Variants in ADAM33 observed in about 807,000 individuals in gnomAD.
ADAM33 encodes ADAM metallopeptidase domain 33.
ADAM33 carries 103 observed loss-of-function variants against 106.2 expected under a neutral mutation model. That is an observed-to-expected ratio of 0.97 (90% CI 0.83 to 1.14). The LOEUF is 1.14. Ranked by LOEUF, ADAM33 falls within the 50% of genes most tolerant of loss-of-function variation. The probability of loss-of-function intolerance (pLI) is 0.00; values close to 1 mark genes in which losing one functional copy is unlikely to be tolerated. For synonymous variants in ADAM33, 483 were observed against 453.0 expected (o/e 1.07, Z -0.84); for missense variants, 1,120 against 1,096.6 (o/e 1.02, Z -0.30).
rs750721229 is a variant in ADAM33 at position 3,674,487 on chromosome 20, C to A, written c.600+17G>T. On this transcript the variant is annotated intron_variant, in intron 6 of 21. Transcript: ENST00000356518. ...TAGATACAGCATTCCCACTCCCATC[C>A]GATCGATGCCCCTGACCCTGCTCTG... The A allele has an allele frequency of 3.1e-6, 5 of 1,611,252 alleles. No individual in the cohort carries two copies. Among genetic ancestry groups the A allele is most frequent in the East Asian group, 4.5e-5 (2 of 44,884 alleles).
intron 2 of ADAM33, among the ~76,000 whole-genome samples, chr20:3,678,926 G>C (rs41521148): frequency 0.055 from 8,411 of 152,224 alleles, 317 homozygotes; most frequent in South Asian, 0.13. Context: ...GGCTGGGGCA[G>C]AGCGTCCTGC....
chr20:3,676,359 TCAGA>T (rs932117192), intron 3 of ADAM33, among the ~76,000 whole-genome samples: 3 of 152,054 alleles, frequency 2.0e-5, no homozygotes, highest in African/African-American at 4.8e-5. Flanking sequence ...TCCAGGCAGG[TCAGA>T]CAAACTGCTG....
intron 6 of ADAM33, 78 bp from the exon 7 acceptor site, chr20:3,674,362 G>T: frequency 6.2e-7 from 1 of 1,607,886 alleles, no homozygotes; most frequent in Non-Finnish European, 8.5e-7. Flanking sequence ...CTCCCAGAAG[G>T]AAGTTTAACA....
intron 16 of ADAM33, 38 bp from the exon 17 acceptor site, chr20:3,671,534 C>A (rs2087533771): frequency 1.9e-6 from 3 of 1,610,784 alleles, no homozygotes; most frequent in Non-Finnish European, 1.7e-6. Context: ...GGGACACTGG[C>A]CTGCGGGATT....
intron 1 of ADAM33, among the ~76,000 whole-genome samples, chr20:3,681,022 C>T (rs551765956): frequency 2.0e-5 from 3 of 152,260 alleles, no homozygotes; most frequent in Admixed American, 6.5e-5. Flanking sequence ...AGCAGTGGAC[C>T]GCCTGGGGCC....
chr20:3,679,136 C>CTTTTTTTTT (rs778392877), intron 2 of ADAM33, among the ~76,000 whole-genome samples: 1 of 78,254 alleles, frequency 1.3e-5, no homozygotes, highest in Non-Finnish European at 2.4e-5. Context: ...CTTTTTGGTG[C>CTTTTTTTTT]TTTTTTTTTT....
intron 2 of ADAM33, among the ~76,000 whole-genome samples, chr20:3,678,491 C>T (rs983327113): frequency 6.6e-6 from 1 of 152,220 alleles, no homozygotes; most frequent in African/African-American, 2.4e-5. Flanking sequence ...AAAGCTCAGG[C>T]CAGTGCCGTG....
At chr20:3,674,438 C>T (rs511898) in intron 6 of ADAM33, 66 bp downstream of exon 6, 592,389 of 1,600,968 alleles carry the variant, frequency 0.37, 116,252 homozygotes, top group African/African-American at 0.74. Context: ...TGTGAATTCC[C>T]GTCTCTTCTG....
chr20:3,677,121 A>G lies in ADAM33; in HGVS notation c.200T>C (p.Leu67Pro), dbSNP rs773925113. ...EEPVSKPDMG[L>P]VALEAEGQEL... Reference sequence around the variant, plus strand: ...CTGGCCTTCAGCCTCCAGGGCCACCAGCCCCATGTCTGGCTTCGAGACCTG... The same window carrying G: ...CTGGCCTTCAGCCTCCAGGGCCACCGGCCCCATGTCTGGCTTCGAGACCTG... Residue 67 changes from leucine (L) to proline (P), a missense_variant, in exon 3 of 22, where the codon CTG (leucine) becomes CCG (proline). Coordinates refer to ENST00000356518, the MANE Select transcript of ADAM33 (RefSeq NM_025220.5). The G allele has an allele frequency of 1.2e-6, 2 of 1,611,098 alleles. No homozygotes were observed. Among genetic ancestry groups the G allele is most frequent in the South Asian group, 2.2e-5 (2 of 90,902 alleles).
At chr20:3,679,740 G>A (rs909297229) in intron 1 of ADAM33, among the ~76,000 whole-genome samples, 169 bp from the exon 2 acceptor site, 30 of 152,242 alleles carry the variant, frequency 2.0e-4, no homozygotes, top group African/African-American at 6.3e-4. Context: ...AGGGACGCCC[G>A]TGGGCATCCT....
chr20:3,680,102 G>GC (rs909822559), intron 1 of ADAM33, among the ~76,000 whole-genome samples: 2 of 152,138 alleles, frequency 1.3e-5, no homozygotes. Flanking sequence ...CCCTGGCCCA[G>GC]AAGGCCCCTC....
At position 3,671,414 on chromosome 20, in the gene ADAM33, C is replaced by T. The variant is rs774443857; in HGVS notation, c.1983+5G>A. ...CAAGGTCACCCCCACTCCTCGGGCT[C>T]TCACCCCGTGGCTGTGGCAGGCAGT... On this transcript the variant is annotated splice_donor_5th_base_variant and intron_variant, in intron 17 of 21. Coordinates refer to ENST00000356518, the MANE Select transcript of ADAM33 (RefSeq NM_025220.5). 6.2e-7 allele frequency: 1 copy of T among 1,612,336 alleles called. No homozygotes were observed. Among genetic ancestry groups the T allele is most frequent in the East Asian group, 2.2e-5 (1 of 44,838 alleles).
chr20:3,679,357 G>T, intron 2 of ADAM33, 135 bp downstream of exon 2: 3 of 828,240 alleles, frequency 3.6e-6, no homozygotes, highest in Non-Finnish European at 5.7e-6. Flanking sequence ...AGGGGCAGGG[G>T]AGGCAGGGGC....
In ADAM33 at chr20:3,674,250, A is replaced by C. The variant is rs760464007; in HGVS notation, c.635T>G (p.Leu212Arg). The C allele has an allele frequency of 3.1e-6, 5 of 1,613,874 alleles. No individual in the cohort carries two copies. In the East Asian group the frequency reaches 1.1e-4, roughly 36 times the overall value. Residue 212 changes from leucine (L) to arginine (R), a missense_variant, in exon 7 of 22, where the codon CTG (leucine) becomes CGG (arginine). Coordinates refer to ENST00000356518, the MANE Select transcript of ADAM33 (RefSeq NM_025220.5). ...GTGGTCTGCCACAATGTACAGTTCC[A>C]GGTACTTCCGGGTCCTGCGCGCTTC... The part of the protein sequence containing the change: ...RREARRTRKY[L>R]ELYIVADHTL...
At position 3,673,325 on chromosome 20, in the gene ADAM33, G is replaced by T. The variant is rs776291762; in HGVS notation, c.1133+29C>A. 6.5e-6 allele frequency: 10 copies of T among 1,536,224 alleles called. No individual in the cohort carries two copies. The African/African-American group carries it at 1.2e-4, about 19-fold the overall frequency. On this transcript the variant is annotated intron_variant, in intron 11 of 21. Transcript: ENST00000356518. The stretch of plus-strand genomic sequence containing the variant: ...GGAAGTCCCCAGGACTAGCCGCCCC[G>T]CCGCAGCCCCGACCCCCCACCCGCG...
rs1394515369 is a variant in ADAM33 at position 3,671,588 on chromosome 20, G to T, written c.1898C>A (p.Pro633His). 2 of 1,593,426 alleles carry T rather than the reference G, an allele frequency of 1.3e-6. No homozygotes were observed. The highest frequency in any genetic ancestry group is 1.8e-5 in the Admixed American group (1 of 56,608). Residue 633 changes from proline to histidine, a missense_variant, in exon 16 of 22, where the codon CCT becomes CAT. Physicochemically the swap from Pro to His is moderately conservative, Grantham distance 77 (BLOSUM62 -2). Transcript: ENST00000356518. ...CGGGTGGGCAGAGCTCACCATTCTA[G>T]GTCCACACTGGGTGCCTGGCTCTAC... Reference protein sequence around the residue: ...GLVEPGTQCGPRMVCQSRRCR... With the variant: ...GLVEPGTQCGHRMVCQSRRCR...
chr20:3,673,619 GGGCGCCAGGCCCACTGT>G lies in ADAM33; in HGVS notation c.928_944del (p.Thr310ArgfsTer31). The G allele has an allele frequency of 1.5e-6, 2 of 1,359,276 alleles. No homozygotes were observed. The highest frequency in any genetic ancestry group is 1.9e-6 in the Non-Finnish European group (2 of 1,063,486). The allele number at this position is 1,359,276 out of a possible 1,614,324, so 84.2% of individuals were successfully genotyped here. A position where few individuals can be genotyped will look rare whatever the true frequency, so the allele number is the denominator to read the frequency against. On this transcript the variant is annotated frameshift_variant, in exon 10 of 22. Transcript: ENST00000356518. LOFTEE classifies it high-confidence loss of function. Reference sequence around the variant, plus strand: ...TCTCGGCGCGGCACATGCCCTCGACGGGCGCCAGGCCCACTGTGGCGCCCTGGAAGGCGCGGCCCCTG... The same window carrying G: ...TCTCGGCGCGGCACATGCCCTCGACGGGCGCCCTGGAAGGCGCGGCCCCTG...
Position 3,671,329 on chromosome 20 carries a change from T to C in ADAM33, c.2000A>G (p.His667Arg), listed in dbSNP as rs1362839536. The change falls in exon 18 of 22, where the codon CAT (histidine) becomes CGT (arginine). Residue 667 changes from histidine to arginine, a missense_variant. Coordinates refer to ENST00000356518, the MANE Select transcript of ADAM33 (RefSeq NM_025220.5). ...CCAGCCTGGAGCACAGTGGCAGTTA[T>C]GGTTGCTATTGCAAACCTGCAGAGA... The part of the protein sequence containing the change: ...CHSHGVCNSN[H>R]NCHCAPGWAP... 3.1e-6 allele frequency: 5 copies of C among 1,613,728 alleles called. No homozygotes were observed. Among genetic ancestry groups the C allele is most frequent in the Admixed American group, 3.3e-5 (2 of 60,010 alleles).
chr20:3,679,591 C>T lies in ADAM33; in HGVS notation c.98-20G>A. Reference sequence around the variant, plus strand: ...TATGTCCTGGAGTAAAGACAGAGCACAGGGTGAGGGGGACCTGAGGAACAC... The same window carrying T: ...TATGTCCTGGAGTAAAGACAGAGCATAGGGTGAGGGGGACCTGAGGAACAC... On this transcript the variant is annotated intron_variant, in intron 1 of 21. Transcript: ENST00000356518. 1 of 1,595,930 alleles carries T rather than the reference C, an allele frequency of 6.3e-7. No homozygotes were observed. Among genetic ancestry groups the T allele is most frequent in the Non-Finnish European group, 8.5e-7 (1 of 1,170,454 alleles).
Sources: allele counts gnomAD v4.1 joint callset (sites outside exome capture counted in the v4.1 genomes callset), GRCh38; gene constraint gnomAD v4.1.1; transcripts MANE v1.5; gene names NCBI Gene and HGNC (gene_info 2026-07-23, HGNC 2026-07-21).